TRPS1: variants seen among roughly 807,000 people sequenced by gnomAD.
The protein encoded by TRPS1 is transcriptional repressor GATA binding 1, also known as zinc finger transcription factor Trps1.
A neutral mutation model predicts 101.2 loss-of-function variants in TRPS1; 6 were observed. The ratio of observed to expected loss-of-function variants is 0.06; its 90% CI spans 0.03 to 0.12. The LOEUF (loss-of-function observed/expected upper bound fraction) is 0.12. TRPS1 is among the 10% of genes least tolerant of loss of function. TRPS1 has a pLI of 1.00. For synonymous variants in TRPS1, 578 were observed against 589.8 expected (o/e 0.98, Z 0.29); for missense variants, 1,363 against 1,567.0 (o/e 0.87, Z 2.20).
At position 115,576,292 on chromosome 8, in the gene TRPS1, G is replaced by T. The variant is rs530007088; in HGVS notation, c.2700+10709C>A. Among the ~76,000 whole-genome samples, 57 of 136,962 alleles carry T rather than the reference G, an allele frequency of 4.2e-4. 1 individual carries two copies. Among genetic ancestry groups the T allele is most frequent in the African/African-American group, 6.6e-4 (24 of 36,316 alleles). The allele number at this position is 136,962 out of a possible 152,430, so 89.9% of individuals were successfully genotyped here. ...AATTTGTAGTTCATATATATATATA[G>T]ATATAGATATAGATATAGATATAGA... On this transcript the variant is annotated intron_variant, in intron 5 of 6. Coordinates refer to ENST00000395715, the MANE Select transcript of TRPS1 (RefSeq NM_014112.5).
At chr8:115,663,557 C>T (rs554817490) in intron 1 of TRPS1, among the ~76,000 whole-genome samples, 129 of 151,758 alleles carry the variant, frequency 8.5e-4, no homozygotes, top group Admixed American at 1.5e-3. Flanking sequence ...CACTTAAGAA[C>T]GACAAGTGTA....
intron 5 of TRPS1, among the ~76,000 whole-genome samples, chr8:115,499,555 A>C (rs951187726): frequency 6.6e-6 from 1 of 152,204 alleles, no homozygotes; most frequent in Non-Finnish European, 1.5e-5. Context: ...TTTACAGATC[A>C]GATTTTACCT....
At chr8:115,615,205 T>C (rs1818250603) in intron 3 of TRPS1, among the ~76,000 whole-genome samples, 1 of 152,148 alleles carries the variant, frequency 6.6e-6, no homozygotes, top group Admixed American at 6.5e-5. Flanking sequence ...AATAATGCAG[T>C]AATAAAAAGA....
chr8:115,583,818 A>C (rs1162937154), intron 5 of TRPS1, among the ~76,000 whole-genome samples: 1 of 152,080 alleles, frequency 6.6e-6, no homozygotes, highest in African/African-American at 2.4e-5. Flanking sequence ...CAAGGGAAAA[A>C]TATAGACATT....
intron 5 of TRPS1, among the ~76,000 whole-genome samples, chr8:115,507,533 G>T (rs952931314): frequency 2.7e-5 from 4 of 150,698 alleles, no homozygotes; most frequent in Middle Eastern, 3.5e-3. Flanking sequence ...GAGAAGCACA[G>T]AAACGACTCA....
At chr8:115,434,456 C>T (rs1813400428) in intron 5 of TRPS1, among the ~76,000 whole-genome samples, 1 of 152,138 alleles carries the variant, frequency 6.6e-6, no homozygotes, top group Non-Finnish European at 1.5e-5. Flanking sequence ...CAGCATCATT[C>T]ATACCAAATT....
intron 1 of TRPS1, among the ~76,000 whole-genome samples, chr8:115,633,496 T>C (rs73703344): frequency 0.082 from 12,489 of 152,174 alleles, 1,656 homozygotes; most frequent in African/African-American, 0.28. Context: ...AGAGAACTAA[T>C]ATTTCTTGAG....
rs77540093 is a variant in TRPS1, at chr8:115,507,839, G to A, written c.2700+79162C>T. 4.0e-3 allele frequency among the ~76,000 whole-genome samples: 609 copies of A among 152,118 alleles called. 7 individuals are homozygous for A. The highest frequency in any genetic ancestry group is 0.014 in the African/African-American group (570 of 41,518). On this transcript the variant is annotated intron_variant, in intron 5 of 6. Coordinates refer to ENST00000395715, the MANE Select transcript of TRPS1 (RefSeq NM_014112.5). Reference sequence around the variant, plus strand: ...ACTATTATATAGGTCTGGCCCGAGGGTGAAGCTTCTGCCTAGGCTGAGAAT... The same window carrying A: ...ACTATTATATAGGTCTGGCCCGAGGATGAAGCTTCTGCCTAGGCTGAGAAT...
rs149860194 is a variant in TRPS1, at chr8:115,456,976, C to T, written c.2701-38524G>A. Among the ~76,000 whole-genome samples the T allele has an allele frequency of 2.3e-3, 350 of 152,232 alleles. 1 individual carries two copies. The highest frequency in any genetic ancestry group is 8.0e-3 in the African/African-American group (331 of 41,536). Reference sequence around the variant, plus strand: ...AACTAATTTGCTCATTTAATAACTGCTTCCTGAGGGCCTATGAGCTAAGGA... The same window carrying T: ...AACTAATTTGCTCATTTAATAACTGTTTCCTGAGGGCCTATGAGCTAAGGA... On this transcript the variant is annotated intron_variant, in intron 5 of 6. Coordinates refer to ENST00000395715, the MANE Select transcript of TRPS1 (RefSeq NM_014112.5).
rs535816190 is a variant in TRPS1 at position 115,513,227 on chromosome 8, A to C, written c.2700+73774T>G. Among the ~76,000 whole-genome samples, 27 of 151,860 alleles carry C rather than the reference A, an allele frequency of 1.8e-4. No individual in the cohort carries two copies. In the South Asian group the frequency reaches 5.4e-3, roughly 30 times the overall value. ...TCAGTTGCCTTCAATCCATGTAATA[A>C]ACATGAAATACCAATGTCAACAAAA... On this transcript the variant is annotated intron_variant, in intron 5 of 6. Transcript: ENST00000395715.
At chr8:115,420,581 A>T (rs536454933) in intron 5 of TRPS1, among the ~76,000 whole-genome samples, 1 of 152,300 alleles carries the variant, frequency 6.6e-6, no homozygotes, top group East Asian at 1.9e-4. Flanking sequence ...TGCTTGACAC[A>T]CCATGCCAAA....
intron 5 of TRPS1, among the ~76,000 whole-genome samples, chr8:115,469,718 G>A (rs568524528): frequency 1.1e-4 from 16 of 152,102 alleles, no homozygotes; most frequent in African/African-American, 3.1e-4. Flanking sequence ...TAGTAGAGAC[G>A]GGGTTTCACC....
At chr8:115,566,521 T>C (rs540876145) in intron 5 of TRPS1, among the ~76,000 whole-genome samples, 11 of 152,150 alleles carry the variant, frequency 7.2e-5, no homozygotes, top group Non-Finnish European at 1.5e-4. Context: ...TTTTGCATTT[T>C]TTTCTTTCTT....
intron 1 of TRPS1, among the ~76,000 whole-genome samples, chr8:115,645,252 T>C (rs1036181954): frequency 5.3e-5 from 8 of 152,228 alleles, no homozygotes; most frequent in African/African-American, 1.7e-4. Flanking sequence ...CACTATTAGC[T>C]TGAAATTTAG....
Position 115,660,559 on chromosome 8 carries a change from G to A in TRPS1, c.-122+7986C>T, listed in dbSNP as rs145843547. Among the ~76,000 whole-genome samples, 7 of 151,506 alleles carry A rather than the reference G, an allele frequency of 4.6e-5. No individual in the cohort carries two copies. In the East Asian group the frequency reaches 1.4e-3, roughly 29 times the overall value. On this transcript the variant is annotated intron_variant, in intron 1 of 6. Transcript: ENST00000395715. Reference sequence around the variant, plus strand: ...TACTACTCACTATCATGAATACAAAGTAATTAACAGATAAAGCTATTATGA... The same window carrying A: ...TACTACTCACTATCATGAATACAAAATAATTAACAGATAAAGCTATTATGA...
intron 5 of TRPS1, among the ~76,000 whole-genome samples, chr8:115,458,979 A>G (rs1013904249): frequency 1.3e-5 from 2 of 152,226 alleles, no homozygotes; most frequent in African/African-American, 4.8e-5. Flanking sequence ...TTTCCAAAAT[A>G]ACTATCCACA....
intron 5 of TRPS1, among the ~76,000 whole-genome samples, chr8:115,449,658 T>C (rs924298044): frequency 6.6e-6 from 1 of 152,232 alleles, no homozygotes; most frequent in African/African-American, 2.4e-5. Context: ...CTTCTCCATA[T>C]TCTCTGCAAC....
intron 4 of TRPS1, 71 bp downstream of exon 4, chr8:115,603,802 G>T: frequency 6.4e-7 from 1 of 1,557,692 alleles, no homozygotes; most frequent in Non-Finnish European, 8.8e-7. Flanking sequence ...TCCCGGTTCA[G>T]CCCTCTTTCT....
chr8:115,421,212 C>T (rs1813045207), intron 5 of TRPS1, among the ~76,000 whole-genome samples: 1 of 151,896 alleles, frequency 6.6e-6, no homozygotes, highest in Admixed American at 6.6e-5. Context: ...CTCAAACTCC[C>T]AATCTCAAGT....
Sources: allele counts gnomAD v4.1 joint callset (sites outside exome capture counted in the v4.1 genomes callset), GRCh38; gene constraint gnomAD v4.1.1; transcripts MANE v1.5; gene names NCBI Gene and HGNC (gene_info 2026-07-23, HGNC 2026-07-21).